The following CLECL1 variants were observed in gnomAD, a reference collection of about 807,000 sequenced individuals.
The protein encoded by CLECL1 is C-type lectin like 1.
At chr12:9,712,018 A>G (rs936088849), downstream of CLECL1, among the ~76,000 whole-genome samples, 6 of 152,168 alleles carry the variant, frequency 3.9e-5, no homozygotes, top group East Asian at 1.9e-4. Flanking sequence ...TACCTATCCA[A>G]TACATCTAGA....
intron 3 of CLECL1, among the ~76,000 whole-genome samples, chr12:9,724,047 CATG>C (rs1378199236): frequency 1.3e-5 from 2 of 151,582 alleles, no homozygotes; most frequent in African/African-American, 2.4e-5. Context: ...ATTAGCCAGT[CATG>C]GTGGTGTGTG....
chr12:9,718,787 G>C (rs1417802946), downstream of CLECL1: 2 of 699,720 alleles, frequency 2.9e-6, no homozygotes, highest in African/African-American at 3.5e-5. Context: ...GAAAACCAAG[G>C]AGAGATGCCT....
At chr12:9,714,984 A>G (rs1323129645), downstream of CLECL1, among the ~76,000 whole-genome samples, 2 of 152,120 alleles carry the variant, frequency 1.3e-5, no homozygotes, top group African/African-American at 2.4e-5. Flanking sequence ...GTCCTTTTCT[A>G]TCAATGTCTA....
chr12:9,719,000 A>G (rs144415227), downstream of CLECL1, among the ~76,000 whole-genome samples: 124 of 152,226 alleles, frequency 8.1e-4, no homozygotes, highest in African/African-American at 2.8e-3. Context: ...GTGTCTTTTC[A>G]TATACCTCTT....
downstream of CLECL1, among the ~76,000 whole-genome samples, chr12:9,722,181 C>T (rs752786240): frequency 2.6e-4 from 39 of 152,320 alleles, no homozygotes; most frequent in African/African-American, 8.9e-4. Context: ...TTCAGCAAAA[C>T]TTCAATTTAA....
intron 1 of CLECL1, among the ~76,000 whole-genome samples, chr12:9,730,352 C>T (rs1866432495): frequency 6.6e-6 from 1 of 152,160 alleles, no homozygotes; most frequent in South Asian, 2.1e-4. Flanking sequence ...ACAACAGTCT[C>T]TGGTACATAA....
the CLECL1 span, among the ~76,000 whole-genome samples, chr12:9,707,644 C>T: frequency 8.5e-5 from 13 of 152,156 alleles, no homozygotes; most frequent in Admixed American, 8.5e-4. Flanking sequence ...CATCACATGC[C>T]CTGCAAGGGG....
chr12:9,722,553 A>G, downstream of CLECL1: 1 of 1,505,316 alleles, frequency 6.6e-7, no homozygotes, highest in Non-Finnish European at 8.9e-7. Flanking sequence ...TGAAGTTGAA[A>G]CTTCTTTTCA....
chr12:9,719,928 TG>T (rs1486088475), downstream of CLECL1, among the ~76,000 whole-genome samples: 1 of 152,216 alleles, frequency 6.6e-6, no homozygotes, highest in Non-Finnish European at 1.5e-5. Context: ...GAAGATTACT[TG>T]GCACATTCTT....
At chr12:9,716,722 C>G in exon 3 of CLECL1, 3 of 1,241,608 alleles carry the variant, frequency 2.4e-6, no homozygotes, top group Non-Finnish European at 3.2e-6. Context: ...CCTCTGTCTC[C>G]TCAGCACTGA....
At chr12:9,715,600 G>A (rs777800025), downstream of CLECL1, among the ~76,000 whole-genome samples, 2 of 152,124 alleles carry the variant, frequency 1.3e-5, no homozygotes, top group Admixed American at 6.5e-5. Flanking sequence ...CCCTCTGTGT[G>A]GGAAGAAGTA....
At chr12:9,709,497 G>A in the CLECL1 span, 2 of 152,306 alleles carry the variant, frequency 1.3e-5, no homozygotes, top group Admixed American at 1.3e-4. Context: ...GTTTTCAGAT[G>A]ACCCTTATAG....
chr12:9,730,965 C>T (rs1229635924), intron 1 of CLECL1, among the ~76,000 whole-genome samples: 4 of 152,176 alleles, frequency 2.6e-5, no homozygotes, highest in African/African-American at 9.7e-5. Flanking sequence ...GGATTACAGG[C>T]GTCAGCCATT....
At chr12:9,721,079 A>G (rs1388427674), downstream of CLECL1, among the ~76,000 whole-genome samples, 2 of 152,106 alleles carry the variant, frequency 1.3e-5, no homozygotes, top group Non-Finnish European at 2.9e-5. Flanking sequence ...TGCAACATGG[A>G]AATGAAAGCC....
chr12:9,704,800 C>T, the CLECL1 span, among the ~76,000 whole-genome samples: 1 of 152,094 alleles, frequency 6.6e-6, no homozygotes, highest in African/African-American at 2.4e-5. Flanking sequence ...TTTTCTTTAT[C>T]CAGTCTATCG....
At chr12:9,716,781 A>G in intron 2 of CLECL1, 1 of 1,273,198 alleles carries the variant, frequency 7.9e-7, no homozygotes, top group Non-Finnish European at 1.0e-6. Flanking sequence ...GGATTTCTAG[A>G]TTTGAGAGGA....
chr12:9,728,023 A>ATTCTTAGC, intron 2 of CLECL1, among the ~76,000 whole-genome samples: 2 of 151,826 alleles, frequency 1.3e-5, no homozygotes, highest in East Asian at 3.8e-4. Flanking sequence ...AGTTCCTATT[A>ATTCTTAGC]ATTATATCAG....
At chr12:9,725,189 G>A (rs1042820481) in intron 3 of CLECL1, among the ~76,000 whole-genome samples, 1 of 152,106 alleles carries the variant, frequency 6.6e-6, no homozygotes, top group Non-Finnish European at 1.5e-5. Context: ...AGGCTGATGC[G>A]CAATGTTTCT....
At chr12:9,720,815 T>C (rs1021546458), downstream of CLECL1, among the ~76,000 whole-genome samples, 4 of 152,206 alleles carry the variant, frequency 2.6e-5, no homozygotes, top group African/African-American at 9.6e-5. Flanking sequence ...CTTCACACTG[T>C]TCTGCCACCC....
Sources: allele counts gnomAD v4.1 joint callset (sites outside exome capture counted in the v4.1 genomes callset), GRCh38; gene constraint gnomAD v4.1.1; transcripts MANE v1.5; gene names NCBI Gene and HGNC (gene_info 2026-07-23, HGNC 2026-07-21).